Variants in NF2 observed in about 807,000 individuals in gnomAD.
The protein encoded by NF2 is merlin.
In NF2, 8 loss-of-function variants were observed where a neutral mutation model predicts 83.7. The ratio of observed to expected loss-of-function variants is 0.10; its 90% CI spans 0.06 to 0.17. The LOEUF is 0.17. Among genes scored for constraint, NF2 ranks in the 10% least tolerant of loss-of-function variants. NF2 has a pLI of 1.00. For synonymous variants in NF2, 266 were observed against 269.6 expected (o/e 0.99, Z 0.13); for missense variants, 533 against 744.4 (o/e 0.72, Z 3.31).
chr22:29,648,368 A>G (rs1318003315), intron 4 of NF2, among the ~76,000 whole-genome samples: 1 of 152,206 alleles, frequency 6.6e-6, no homozygotes, highest in Non-Finnish European at 1.5e-5. Flanking sequence ...TAATCAAGAA[A>G]AAGAAAAAAC....
chr22:29,637,853 C>A (rs2065690096), intron 2 of NF2, among the ~76,000 whole-genome samples: 1 of 152,224 alleles, frequency 6.6e-6, no homozygotes. Flanking sequence ...GGGCCACTGT[C>A]AGTGAGGGTG....
intron 1 of NF2, 120 bp downstream of exon 1, chr22:29,604,232 C>T (rs1283755163): frequency 5.1e-6 from 4 of 782,986 alleles, no homozygotes; most frequent in Non-Finnish European, 8.8e-6. Context: ...GCCAACTAGG[C>T]CCAAAACCTC....
intron 15 of NF2, among the ~76,000 whole-genome samples, chr22:29,686,988 C>G (rs1042639284): frequency 6.6e-6 from 1 of 152,150 alleles, no homozygotes; most frequent in Non-Finnish European, 1.5e-5. Flanking sequence ...AGCCACAGTG[C>G]CAATGATGGG....
chr22:29,606,448 G>T (rs973136005), intron 1 of NF2, among the ~76,000 whole-genome samples: 3 of 152,244 alleles, frequency 2.0e-5, no homozygotes, highest in African/African-American at 7.2e-5. Context: ...TTCTCAGAGA[G>T]AATCTTTCCA....
intron 1 of NF2, among the ~76,000 whole-genome samples, chr22:29,633,815 T>TTTCTCTGAC (rs2065578005): frequency 6.6e-6 from 1 of 152,218 alleles, no homozygotes; most frequent in African/African-American, 2.4e-5. Context: ...CTGACCTAGG[T>TTTCTCTGAC]CTTGCCTGTT....
intron 5 of NF2, 132 bp from the exon 6 acceptor site, chr22:29,655,462 C>T: frequency 1.4e-6 from 1 of 731,198 alleles, no homozygotes; most frequent in Non-Finnish European, 2.5e-6. Flanking sequence ...CTCTGTGTGA[C>T]TATCTCCCTG....
At chr22:29,682,830 T>C (rs1319146952) in intron 15 of NF2, 1 of 681,662 alleles carries the variant, frequency 1.5e-6, no homozygotes, top group Non-Finnish European at 2.6e-6. Flanking sequence ...GCTGCTGCAA[T>C]GAGCAGTGCC....
intron 5 of NF2, among the ~76,000 whole-genome samples, chr22:29,655,036 G>A (rs2066257871): frequency 6.6e-6 from 1 of 152,156 alleles, no homozygotes; most frequent in Non-Finnish European, 1.5e-5. Context: ...TCAGCTTGGG[G>A]AATTGAGCTG....
intron 1 of NF2, among the ~76,000 whole-genome samples, chr22:29,629,845 C>G (rs1239176939): frequency 1.3e-5 from 2 of 152,252 alleles, no homozygotes; most frequent in African/African-American, 4.8e-5. Flanking sequence ...TATTGCTTCT[C>G]TCTTAGCTTT....
chr22:29,679,378 G>A (rs2067061179), intron 14 of NF2, among the ~76,000 whole-genome samples: 1 of 152,210 alleles, frequency 6.6e-6, no homozygotes, highest in African/African-American at 2.4e-5. Flanking sequence ...ATGAACCAGA[G>A]CCTCTAGCTG....
intron 7 of NF2, among the ~76,000 whole-genome samples, chr22:29,660,578 G>A (rs546281012): frequency 6.6e-6 from 1 of 151,846 alleles, no homozygotes; most frequent in Admixed American, 6.5e-5. Flanking sequence ...GGTTTTTTTT[G>A]TTTTGTTTTT....
At position 29,695,513 on chromosome 22, in the gene NF2, A is replaced by T. The variant is rs1000698448; in HGVS notation, c.*711A>T. On this transcript the variant is annotated 3_prime_UTR_variant, in exon 16 of 16. Coordinates refer to ENST00000338641, the MANE Select transcript of NF2 (RefSeq NM_000268.4). The surrounding 1 kb of genome is among the most constrained non-coding windows in gnomAD (Gnocchi z 5.4). ...AGTGCCGTGCGGGAGCTGATGGTAC[A>T]GGGCACTCGCTGTCCCCCTCCGGCC... 5 of 240,292 alleles carry T rather than the reference A, an allele frequency of 2.1e-5. No individual in the cohort carries two copies. The highest frequency in any genetic ancestry group is 1.1e-4 in the African/African-American group (5 of 45,412). The allele number at this position is 240,292 out of a possible 1,614,324, so 14.9% of individuals were successfully genotyped here.
intron 11 of NF2, among the ~76,000 whole-genome samples, chr22:29,672,625 T>A (rs1469682768): frequency 1.3e-5 from 2 of 151,066 alleles, no homozygotes; most frequent in African/African-American, 4.9e-5. Flanking sequence ...CTTTTATTTT[T>A]TTTTTTTGAG....
At chr22:29,623,719 C>G (rs2065273074) in intron 1 of NF2, among the ~76,000 whole-genome samples, 1 of 152,142 alleles carries the variant, frequency 6.6e-6, no homozygotes, top group Non-Finnish European at 1.5e-5. Flanking sequence ...TGCACTTTCT[C>G]TTGTCTGGTT....
intron 14 of NF2, among the ~76,000 whole-genome samples, chr22:29,678,525 AATAAAAATAACAATTTTTATCCAGG>A (rs924140919): frequency 2.8e-4 from 42 of 152,342 alleles, no homozygotes; most frequent in African/African-American, 1.9e-4. Flanking sequence ...ATTCTGAACG[AATAAAAATAACAATTTTTATCCAGG>A]ATAAAAATAA....
chr22:29,614,018 A>T (rs1286202339), intron 1 of NF2, among the ~76,000 whole-genome samples: 1 of 150,682 alleles, frequency 6.6e-6, no homozygotes, highest in Admixed American at 6.6e-5. Context: ...CAGCCTCCCA[A>T]AGTGCTGGGA....
chr22:29,609,234 T>C, intron 1 of NF2: 2 of 729,602 alleles, frequency 2.7e-6, no homozygotes, highest in Non-Finnish European at 5.2e-6. Flanking sequence ...GGTATGACCT[T>C]GGTTATGACA....
intron 4 of NF2, among the ~76,000 whole-genome samples, chr22:29,650,425 G>A (rs529802127): frequency 6.6e-6 from 1 of 152,272 alleles, no homozygotes; most frequent in East Asian, 1.9e-4. Flanking sequence ...TATTGGGACT[G>A]AACGTCTTTT....
intron 1 of NF2, among the ~76,000 whole-genome samples, chr22:29,626,595 A>G (rs2065374547): frequency 6.6e-6 from 1 of 152,228 alleles, no homozygotes; most frequent in Non-Finnish European, 1.5e-5. Flanking sequence ...ATTTCTTTCC[A>G]GGCAAACATC....
Sources: gnomAD v4.1 joint callset for allele counts (sites outside exome capture counted in the v4.1 genomes callset) on GRCh38, gnomAD v4.1.1 for gene constraint, Gnocchi (gnomAD v3.1) non-coding constraint, MANE v1.5 for transcripts, NCBI Gene and HGNC (gene_info 2026-07-23, HGNC 2026-07-21) for gene names.